Variants in PLIN3 observed in about 807,000 individuals in gnomAD.
PLIN3 encodes perilipin-3.
A neutral mutation model predicts 35.9 loss-of-function variants in PLIN3; 30 were observed. The ratio of observed to expected loss-of-function variants is 0.84; its 90% CI spans 0.62 to 1.13. PLIN3 has a LOEUF of 1.13. PLIN3 is among the 50% of genes most tolerant of loss of function. The probability of loss-of-function intolerance (pLI) is 0.00; values close to 1 mark genes in which losing one functional copy is unlikely to be tolerated. For missense variants in PLIN3, 603 were observed against 596.9 expected, an observed-to-expected ratio of 1.01 and a Z score of -0.11; for synonymous variants, 261 against 262.5, an observed-to-expected ratio of 0.99 and a Z score of 0.06.
At chr19:4,867,323 G>A (rs945274019) in intron 1 of PLIN3, among the ~76,000 whole-genome samples, 4 of 152,184 alleles carry the variant, frequency 2.6e-5, no homozygotes, top group Non-Finnish European at 5.9e-5. Context: ...GGCGGGGGGC[G>A]GTATTTAGCC....
chr19:4,863,505 A>AAG (rs890056261), intron 1 of PLIN3, among the ~76,000 whole-genome samples: 7 of 150,152 alleles, frequency 4.7e-5, no homozygotes, highest in African/African-American at 1.7e-4. Flanking sequence ...CTCAAAAAAA[A>AAG]AAAAAAAAGA....
At chr19:4,858,238 C>T (rs2030536584) in intron 4 of PLIN3, among the ~76,000 whole-genome samples, 1 of 126,992 alleles carries the variant, frequency 7.9e-6, no homozygotes, top group Non-Finnish European at 1.6e-5. Flanking sequence ...CACCACTGCA[C>T]ACCAGCCTGG....
At position 4,852,200 on chromosome 19, in the gene PLIN3, C is replaced by A. The variant is rs768626141; in HGVS notation, c.450G>T (p.Ala150=). ...KDTVATQLSE[A]VDATRGAVQS... ...GCACAGCACCGCGGGTCGCGTCCAC[C>A]GCCTCCGACAATTGGGTGGCCACCG... is the stretch of plus-strand genomic sequence containing the variant. Residue 150 remains alanine, a synonymous_variant, in exon 5 of 8, where the codon GCG becomes GCT. Transcript: ENST00000221957. 2 of 1,612,676 alleles carry A rather than the reference C, an allele frequency of 1.2e-6. No homozygotes were observed. Among genetic ancestry groups the A allele is most frequent in the Admixed American group, 1.7e-5 (1 of 59,988 alleles).
chr19:4,839,686 G>C, intron 7 of PLIN3, 150 bp from the exon 8 acceptor site: 1 of 520,060 alleles, frequency 1.9e-6, no homozygotes, highest in Non-Finnish European at 3.2e-6. Flanking sequence ...TTTTTTTTGA[G>C]ACGGAGTCTC....
intron 7 of PLIN3, 52 bp from the exon 8 acceptor site, chr19:4,839,588 G>A (rs2029870141): frequency 5.9e-6 from 8 of 1,364,184 alleles, no homozygotes; most frequent in East Asian, 2.5e-5. Context: ...CAGGAAAGGC[G>A]ATCGGAGCTG....
intron 4 of PLIN3, among the ~76,000 whole-genome samples, chr19:4,857,760 G>A (rs2030520890): frequency 6.6e-6 from 1 of 151,978 alleles, no homozygotes; most frequent in Non-Finnish European, 1.5e-5. Flanking sequence ...TGGATCACCT[G>A]AGGTCGGGAG....
At chr19:4,862,313 T>A (rs888265241) in intron 1 of PLIN3, among the ~76,000 whole-genome samples, 20 of 152,042 alleles carry the variant, frequency 1.3e-4, no homozygotes, top group African/African-American at 4.6e-4. Context: ...TGTATTTTTT[T>A]AGTAGAAACG....
chr19:4,865,914 G>C (rs1338873913), intron 1 of PLIN3, among the ~76,000 whole-genome samples: 1 of 151,264 alleles, frequency 6.6e-6, no homozygotes, highest in Non-Finnish European at 1.5e-5. Context: ...TAGTAGAGAT[G>C]GGATTTCACC....
At chr19:4,860,182 T>C (rs2030627425) in intron 2 of PLIN3, among the ~76,000 whole-genome samples, 158 bp from the exon 3 acceptor site, 1 of 152,150 alleles carries the variant, frequency 6.6e-6, no homozygotes, top group African/African-American at 2.4e-5. Flanking sequence ...GCCAGGAACC[T>C]TGGGGTTTCG....
chr19:4,850,365 C>T (rs1372594429), intron 5 of PLIN3, among the ~76,000 whole-genome samples: 1 of 151,922 alleles, frequency 6.6e-6, no homozygotes, highest in Non-Finnish European at 1.5e-5. Flanking sequence ...CAACCTCTGC[C>T]TCCCAAGTAG....
intron 7 of PLIN3, among the ~76,000 whole-genome samples, chr19:4,844,140 G>T (rs10409097): frequency 0.19 from 28,955 of 151,900 alleles, 2,967 homozygotes; most frequent in Middle Eastern, 0.37. Context: ...TTGAGATAGA[G>T]TGGAGGGGGC....
chr19:4,847,932 C>T (rs751118548), intron 5 of PLIN3, 42 bp from the exon 6 acceptor site: 3 of 1,439,576 alleles, frequency 2.1e-6, no homozygotes, highest in East Asian at 4.7e-5. Flanking sequence ...GACCAGAACA[C>T]ACAGCTGGGC....
At chr19:4,845,870 G>C (rs945724930) in intron 6 of PLIN3, among the ~76,000 whole-genome samples, 20 of 149,290 alleles carry the variant, frequency 1.3e-4, no homozygotes, top group African/African-American at 4.5e-4. Context: ...CTTGCAGTGA[G>C]CAGAGACTGC....
intron 7 of PLIN3, among the ~76,000 whole-genome samples, chr19:4,842,518 T>C (rs2054122851): frequency 6.8e-6 from 1 of 146,636 alleles, no homozygotes; most frequent in African/African-American, 2.5e-5. Flanking sequence ...GAGAATCGCT[T>C]GAACCCGGGA....
At chr19:4,856,099 C>T (rs2030465959) in intron 4 of PLIN3, among the ~76,000 whole-genome samples, 1 of 152,016 alleles carries the variant, frequency 6.6e-6, no homozygotes, top group Non-Finnish European at 1.5e-5. Context: ...TGCAGGTGGT[C>T]TCAGGGAAAG....
intron 7 of PLIN3, among the ~76,000 whole-genome samples, chr19:4,839,960 C>T (rs1040785964): frequency 3.4e-5 from 5 of 148,054 alleles, no homozygotes; most frequent in Admixed American, 1.4e-4. Context: ...CCACCGTGCC[C>T]GGCCCTTTTT....
At position 4,838,551 on chromosome 19, in the gene PLIN3, G is replaced by C. The variant is rs1209301863; in HGVS notation, c.*641C>G. 1.3e-5 allele frequency: 2 copies of C among 151,692 alleles called. No individual in the cohort carries two copies. The highest frequency in any genetic ancestry group is 4.8e-5 in the African/African-American group (2 of 41,260). 9.4% of individuals were successfully genotyped at this position (151,692 alleles called of 1,614,324 possible). A position where few individuals can be genotyped will look rare whatever the true frequency, so the allele number is the denominator to read the frequency against. On this transcript the variant is annotated 3_prime_UTR_variant, in exon 8 of 8. Transcript: ENST00000221957. ...GGGACATCGGTGTAAACAAAGAAGT[G>C]GGATATGAACTATATCCCTGATTTT...
At chr19:4,846,868 A>G (rs1209892144) in intron 6 of PLIN3, among the ~76,000 whole-genome samples, 2 of 151,576 alleles carry the variant, frequency 1.3e-5, no homozygotes, top group East Asian at 3.9e-4. Flanking sequence ...TCTGTTGTTT[A>G]CATTTCCCAG....
At chr19:4,858,824 C>A (rs2030568713) in intron 4 of PLIN3, among the ~76,000 whole-genome samples, 1 of 151,210 alleles carries the variant, frequency 6.6e-6, no homozygotes, top group African/African-American at 2.4e-5. Context: ...GCCTCAGCCT[C>A]CCGAGTAGCT....
Sources: gnomAD v4.1 joint callset for allele counts (sites outside exome capture counted in the v4.1 genomes callset) on GRCh38, gnomAD v4.1.1 for gene constraint, MANE v1.5 for transcripts, NCBI Gene and HGNC (gene_info 2026-07-23, HGNC 2026-07-21) for gene names.